EMG1: variants seen among roughly 807,000 people sequenced by gnomAD.
EMG1 encodes the protein ribosomal RNA small subunit methyltransferase NEP1.
In EMG1, 24 loss-of-function variants were observed where a neutral mutation model predicts 26.9. The observed-to-expected ratio is 0.89, with a 90% CI of 0.65 to 1.26. EMG1 has a LOEUF of 1.26. EMG1 is among the 50% of genes most tolerant of loss of function. EMG1 has a pLI of 0.00. For synonymous variants in EMG1, 140 were observed against 112.6 expected, an observed-to-expected ratio of 1.24 and a Z score of -1.54; for missense variants, 299 against 307.6, an observed-to-expected ratio of 0.97 and a Z score of 0.21.
Position 6,978,237 on chromosome 12 carries a change from G to A in EMG1, c.*2428G>A. The A allele has an allele frequency of 7.3e-7, 1 of 1,368,122 alleles. No homozygotes were observed. Among genetic ancestry groups the A allele is most frequent in the Non-Finnish European group, 1.0e-6 (1 of 1,001,356 alleles). 84.7% of individuals were successfully genotyped at this position (1,368,122 alleles called of 1,614,324 possible). On this transcript the variant is annotated 3_prime_UTR_variant, in exon 6 of 6. Transcript: ENST00000599672. Reference sequence around the variant, plus strand: ...TGTGAGCGACAGGGGGTTCTGCCCAGATGGGAAAGACGCATAGGGGTGACA... The same window carrying A: ...TGTGAGCGACAGGGGGTTCTGCCCAAATGGGAAAGACGCATAGGGGTGACA...
chr12:6,981,938 C>T (rs79256846), downstream of EMG1: 3,177 of 1,054,698 alleles, frequency 3.0e-3, 62 homozygotes, highest in African/African-American at 0.041. Flanking sequence ...TCTAGCATCA[C>T]TACTATTTCT....
chr12:6,977,709 T>C lies in EMG1; in HGVS notation c.*1900T>C, dbSNP rs1555153490. 1 of 1,614,216 alleles carries C rather than the reference T, an allele frequency of 6.2e-7. No homozygotes were observed. Among genetic ancestry groups the C allele is most frequent in the Admixed American group, 1.7e-5 (1 of 60,026 alleles). On this transcript the variant is annotated 3_prime_UTR_variant, in exon 6 of 6. Coordinates refer to ENST00000599672, the MANE Select transcript of EMG1 (RefSeq NM_006331.8). The surrounding 1 kb of genome is among the most constrained non-coding windows in gnomAD (Gnocchi z 4.5). ...GCAACGAGAGACCCTGAGAGAGTTCTTTATTTCCAAGGAACTTGAGTCGTT... is the reference window on the plus strand; with the variant it reads ...GCAACGAGAGACCCTGAGAGAGTTCCTTATTTCCAAGGAACTTGAGTCGTT...
At chr12:6,974,034 G>GT (rs1390465131) in intron 1 of EMG1, among the ~76,000 whole-genome samples, 10 of 152,228 alleles carry the variant, frequency 6.6e-5, no homozygotes, top group South Asian at 4.1e-4. Flanking sequence ...ACAGCCACAG[G>GT]TTTTTTAATT....
In EMG1 at chr12:6,977,788, C is replaced by T; in HGVS notation, c.*1979C>T. On this transcript the variant is annotated 3_prime_UTR_variant, in exon 6 of 6. Coordinates refer to ENST00000599672, the MANE Select transcript of EMG1 (RefSeq NM_006331.8). The surrounding 1 kb of genome is among the most constrained non-coding windows in gnomAD (Gnocchi z 4.5). ...TGGGGCGACCCTCAAACTGACTGGT[C>T]CTTGCATCCCGCCACCTGCCTCTGG... The T allele has an allele frequency of 6.2e-7, 1 of 1,610,646 alleles. No individual in the cohort carries two copies. The highest frequency in any genetic ancestry group is 2.2e-5 in the East Asian group (1 of 44,860).
At position 6,986,683 on chromosome 12, in the gene EMG1, T is replaced by C. The variant is rs1012452800; in HGVS notation, c.*155-1099T>C. On this transcript the variant is annotated intron_variant and NMD_transcript_variant, in intron 6 of 7. Coordinates refer to the EMG1 transcript ENST00000261406. Reference sequence around the variant, plus strand: ...CTGTAGTCCCAGCTACTCAGGAGGCTGAGGCAGGGGAATCGCTTGAACCTG... The same window carrying C: ...CTGTAGTCCCAGCTACTCAGGAGGCCGAGGCAGGGGAATCGCTTGAACCTG... Among the ~76,000 whole-genome samples, 20 of 148,078 alleles carry C rather than the reference T, an allele frequency of 1.4e-4. No homozygotes were observed. The South Asian group carries it at 4.2e-3, about 31-fold the overall frequency.
Position 6,978,701 on chromosome 12 carries a change from A to G in EMG1, c.*2892A>G, listed in dbSNP as rs782523150. The G allele has an allele frequency of 1.2e-6, 2 of 1,614,062 alleles. No individual in the cohort carries two copies. The highest frequency in any genetic ancestry group is 2.2e-5 in the South Asian group (2 of 91,054). On this transcript the variant is annotated 3_prime_UTR_variant, in exon 6 of 6. Transcript: ENST00000599672. ...CAGAAGGGGTGGTTCTTGAGGGAAG[A>G]AAGCACAGTGCATTAGGGATATCAC...
intron 1 of EMG1, among the ~76,000 whole-genome samples, 176 bp downstream of exon 1, chr12:6,971,267 TTTC>T (rs1946323344): frequency 6.8e-6 from 1 of 146,402 alleles, no homozygotes. Flanking sequence ...AGTACTCATT[TTTC>T]TTTCTTTTTT....
At chr12:6,989,801 A>G (rs1946570478), downstream of EMG1, among the ~76,000 whole-genome samples, 2 of 152,166 alleles carry the variant, frequency 1.3e-5, no homozygotes, top group Admixed American at 1.3e-4. Flanking sequence ...TTCCTGTACA[A>G]TAGTTGTGAG....
At chr12:6,982,677 A>G (rs1946482404), downstream of EMG1, 6 of 1,608,124 alleles carry the variant, frequency 3.7e-6, no homozygotes, top group Non-Finnish European at 5.1e-6. Flanking sequence ...GACGTTTACC[A>G]TCTGGAAGCA....
chr12:6,995,772 C>G (rs1342993364), intron 7 of EMG1, among the ~76,000 whole-genome samples: 1 of 152,176 alleles, frequency 6.6e-6, no homozygotes, highest in South Asian at 2.1e-4. Context: ...GACTACTCAA[C>G]AGAGTCAGCA....
Position 6,974,669 on chromosome 12 carries a change from T to G in EMG1, c.388T>G (p.Phe130Val). ...VNPQTRIPRT[F>V]DRFCGLMVQL... ...TCCCCAGACCCGAATTCCCAGAACC[T>G]TTGACCGCTTTTGTGGCCTCATGGG... The change falls in exon 3 of 6, where the codon TTT becomes GTT. Residue 130 changes from phenylalanine to valine, a missense_variant. By Grantham distance (50) the Phe-to-Val change is conservative (BLOSUM62 -1). Coordinates refer to ENST00000599672, the MANE Select transcript of EMG1 (RefSeq NM_006331.8). 1 of 1,613,914 alleles carries G rather than the reference T, an allele frequency of 6.2e-7. No homozygotes were observed. Among genetic ancestry groups the G allele is most frequent in the African/African-American group, 1.3e-5 (1 of 75,044 alleles).
At position 6,979,101 on chromosome 12, in the gene EMG1, C is replaced by T. The variant is rs962224461; in HGVS notation, c.*3292C>T. The T allele has an allele frequency of 1.5e-4, 44 of 299,886 alleles. No individual in the cohort carries two copies. The highest frequency in any genetic ancestry group is 9.1e-4 in the African/African-American group (42 of 46,148). The allele number at this position is 299,886 out of a possible 1,614,324, so 18.6% of individuals were successfully genotyped here. A position where few individuals can be genotyped will look rare whatever the true frequency, so the allele number is the denominator to read the frequency against. ...GCAAAAGCCAGCACTTCCCCCCTTC[C>T]CTTGGTTTCTGAATTCCCTAGAAGT... On this transcript the variant is annotated 3_prime_UTR_variant, in exon 6 of 6. Transcript: ENST00000599672.
rs1946449448 is a variant in EMG1 at position 6,979,672 on chromosome 12, G to T, written c.*3863G>T. 3 of 853,954 alleles carry T rather than the reference G, an allele frequency of 3.5e-6. No homozygotes were observed. Among genetic ancestry groups the T allele is most frequent in the Non-Finnish European group, 5.8e-6 (3 of 514,742 alleles). The allele number at this position is 853,954 out of a possible 1,614,324, so 52.9% of individuals were successfully genotyped here. A position where few individuals can be genotyped will look rare whatever the true frequency, so the allele number is the denominator to read the frequency against. ...CAGTTATGGAGAGGAGTGTTTAGGGGTGTGGTTGTCTACCTGGAATGGGAT... is the reference window on the plus strand; with the variant it reads ...CAGTTATGGAGAGGAGTGTTTAGGGTTGTGGTTGTCTACCTGGAATGGGAT... On this transcript the variant is annotated 3_prime_UTR_variant, in exon 6 of 6. Transcript: ENST00000599672.
chr12:6,992,352 A>C (rs1555155590), downstream of EMG1, among the ~76,000 whole-genome samples: 3 of 151,524 alleles, frequency 2.0e-5, no homozygotes, highest in Non-Finnish European at 1.5e-5. Context: ...AAAATTTACC[A>C]CTTCATCAAC....
intron 1 of EMG1, among the ~76,000 whole-genome samples, chr12:6,971,411 CT>C (rs1318070468): frequency 6.6e-6 from 1 of 151,778 alleles, no homozygotes; most frequent in African/African-American, 2.4e-5. Flanking sequence ...GTAGCTGGGA[CT>C]ACAGGCAGGT....
Position 6,978,323 on chromosome 12 carries a change from T to G in EMG1, c.*2514T>G. On this transcript the variant is annotated 3_prime_UTR_variant, in exon 6 of 6. Transcript: ENST00000599672. ...GGAAGGAAGGAACCAGGGTCCAGGC[T>G]CCCCACCAGCAGCTCACCGGGCCAC... 6.3e-7 allele frequency: 1 copy of G among 1,596,334 alleles called. No homozygotes were observed.
downstream of EMG1, among the ~76,000 whole-genome samples, chr12:6,989,124 A>G (rs1946561796): frequency 1.4e-5 from 2 of 147,406 alleles, no homozygotes; most frequent in African/African-American, 4.9e-5. Context: ...CTCCATCTCA[A>G]AAAAAAAAAA....
downstream of EMG1, among the ~76,000 whole-genome samples, chr12:6,990,504 G>A (rs751114209): frequency 7.4e-5 from 11 of 148,642 alleles, no homozygotes; most frequent in East Asian, 2.0e-4. Context: ...GTGAGACTCC[G>A]CCTCAAAAAG....
chr12:6,981,660 G>A, downstream of EMG1: 2 of 1,612,784 alleles, frequency 1.2e-6, no homozygotes, highest in Non-Finnish European at 1.7e-6. Flanking sequence ...GGATGGGTAG[G>A]GTGGTGGGAG....
Sources: gnomAD v4.1 joint callset for allele counts (sites outside exome capture counted in the v4.1 genomes callset) on GRCh38, gnomAD v4.1.1 for gene constraint, Gnocchi (gnomAD v3.1) non-coding constraint, MANE v1.5 for transcripts, NCBI Gene and HGNC (gene_info 2026-07-23, HGNC 2026-07-21) for gene names.